Variants in CAMKK2 observed in about 807,000 individuals in gnomAD.
CAMKK2 encodes calcium/calmodulin-dependent protein kinase kinase 2.
In CAMKK2, 30 loss-of-function variants were observed where a neutral mutation model predicts 67.2. The ratio of observed to expected loss-of-function variants is 0.45; its 90% CI spans 0.33 to 0.61. CAMKK2 has a LOEUF of 0.61. CAMKK2 is among the 20% of genes least tolerant of loss of function. The pLI is 0.02. For synonymous variants in CAMKK2, 322 were observed against 326.2 expected (o/e 0.99, Z 0.14); for missense variants, 643 against 802.0 (o/e 0.80, Z 2.39).
chr12:121,249,658 C>A, intron 13 of CAMKK2, 129 bp downstream of exon 13: 1 of 804,040 alleles, frequency 1.2e-6, no homozygotes, highest in Non-Finnish European at 2.2e-6. Context: ...AGCTCAGAGG[C>A]CCTGGGGCAT....
chr12:121,256,510 T>C (rs1053932438), intron 7 of CAMKK2, among the ~76,000 whole-genome samples: 9 of 152,206 alleles, frequency 5.9e-5, no homozygotes, highest in Non-Finnish European at 1.3e-4. Context: ...AACATTCTCA[T>C]CACCTCAAAA....
chr12:121,252,209 A>AT (rs1361235942), intron 11 of CAMKK2, among the ~76,000 whole-genome samples: 5 of 152,254 alleles, frequency 3.3e-5, no homozygotes, highest in Non-Finnish European at 7.3e-5. Flanking sequence ...ATACACATGT[A>AT]TATTTAGGAA....
intron 1 of CAMKK2, among the ~76,000 whole-genome samples, chr12:121,283,848 G>A (rs1046176952): frequency 3.5e-4 from 53 of 151,774 alleles, no homozygotes; most frequent in African/African-American, 1.3e-3. Context: ...ATAACCATTT[G>A]AATGAGATGC....
chr12:121,259,501 C>T (rs1464083351), intron 7 of CAMKK2, among the ~76,000 whole-genome samples: 4 of 152,158 alleles, frequency 2.6e-5, no homozygotes, highest in Non-Finnish European at 4.4e-5. Flanking sequence ...GAGAGAATTA[C>T]GCTAAGAATG....
chr12:121,261,418 G>A (rs1653596), intron 6 of CAMKK2, among the ~76,000 whole-genome samples: 2,815 of 152,240 alleles, frequency 0.018, 87 homozygotes, highest in African/African-American at 0.064. Flanking sequence ...GTGATGGCCT[G>A]CAACTGCTAT....
intron 3 of CAMKK2, 32 bp downstream of exon 3, chr12:121,270,866 C>A: frequency 6.3e-7 from 1 of 1,592,356 alleles, no homozygotes; most frequent in African/African-American, 1.3e-5. Context: ...CTGGTGAATG[C>A]AGAAAGCCAG....
intron 7 of CAMKK2, among the ~76,000 whole-genome samples, chr12:121,258,475 G>A (rs1465132573): frequency 6.6e-6 from 1 of 152,148 alleles, no homozygotes; most frequent in Non-Finnish European, 1.5e-5. Context: ...GGGGTTACAG[G>A]CATGAGCCAC....
intron 7 of CAMKK2, among the ~76,000 whole-genome samples, chr12:121,259,651 T>C (rs927783145): frequency 2.6e-5 from 4 of 152,208 alleles, no homozygotes; most frequent in Non-Finnish European, 4.4e-5. Flanking sequence ...TTTCTTTAAA[T>C]TGACTCAGTT....
intron 7 of CAMKK2, among the ~76,000 whole-genome samples, chr12:121,259,973 T>A (rs1288112633): frequency 2.6e-5 from 4 of 152,288 alleles, no homozygotes; most frequent in African/African-American, 9.6e-5. Context: ...ATCCAGCTAC[T>A]CAGGAGGCTG....
chr12:121,245,724 C>A lies in CAMKK2; in HGVS notation c.1453-484G>T, dbSNP rs1889316995. 6.6e-6 allele frequency among the ~76,000 whole-genome samples: 1 copy of A among 152,246 alleles called. No homozygotes were observed. The highest frequency in any genetic ancestry group is 2.1e-4 in the South Asian group (1 of 4,830). ...ATAAGAGTCACTGGGCCCCTCACCC[C>A]ACCCCAACCAGGGCACGGTGCCCCT... On this transcript the variant is annotated intron_variant, in intron 14 of 16. Transcript: ENST00000404169. This position sits in a 1 kb window ranked among gnomAD's most constrained non-coding sequence, Gnocchi z 5.8.
intron 6 of CAMKK2, 23 bp downstream of exon 6, chr12:121,263,783 C>T (rs746303239): frequency 1.3e-6 from 2 of 1,587,764 alleles, no homozygotes; most frequent in Non-Finnish European, 1.7e-6. Context: ...CTCCCTCCCT[C>T]CTGGGCGCCT....
At chr12:121,249,937 T>G (rs200634618) in intron 12 of CAMKK2, 24 bp downstream of exon 12, 75 of 1,613,008 alleles carry the variant, frequency 4.6e-5, no homozygotes, top group Non-Finnish European at 6.2e-5. Flanking sequence ...ACAGGAGAGA[T>G]GCGGGACGGC....
intron 1 of CAMKK2, among the ~76,000 whole-genome samples, chr12:121,289,994 G>A (rs1375267513): frequency 3.3e-5 from 5 of 152,040 alleles, no homozygotes; most frequent in Non-Finnish European, 7.4e-5. Flanking sequence ...AGAGGACCTT[G>A]AGCCTTGATT....
Position 121,274,168 on chromosome 12 carries a change from C to G in CAMKK2, c.359G>C (p.Arg120Pro). ...AAGGSLDMNG[R>P]CICPSLPYSP... is the part of the protein sequence containing the mutation. ...GTAGGGCAGGGACGGGCAGATGCAG[C>G]GTCCGTTCATGTCCAGGCTGCCACC... The change falls in exon 2 of 17, where the codon CGC becomes CCC. Residue 120 changes from arginine (R) to proline (P), a missense_variant. Around this residue, in one of 3 missense-constraint regions of CAMKK2, gnomAD observed 483 missense variants for 625.8 expected, o/e 0.77. Coordinates refer to ENST00000404169, the MANE Select transcript of CAMKK2 (RefSeq NM_001270485.2). 2 of 1,597,668 alleles carry G rather than the reference C, an allele frequency of 1.3e-6. No homozygotes were observed. The highest frequency in any genetic ancestry group is 1.7e-6 in the Non-Finnish European group (2 of 1,170,436).
chr12:121,266,593 T>C, intron 5 of CAMKK2, among the ~76,000 whole-genome samples: 1 of 150,252 alleles, frequency 6.7e-6, no homozygotes, highest in Non-Finnish European at 1.5e-5. Flanking sequence ...GCTTCCCAGG[T>C]TCAAGCAATT....
At chr12:121,277,213 C>A (rs1169590703) in intron 1 of CAMKK2, among the ~76,000 whole-genome samples, 2 of 152,200 alleles carry the variant, frequency 1.3e-5, no homozygotes, top group Non-Finnish European at 2.9e-5. Context: ...GGGCCTGACT[C>A]ATGCACACAG....
chr12:121,247,851 C>T (rs1180461921), intron 14 of CAMKK2, among the ~76,000 whole-genome samples: 4 of 152,142 alleles, frequency 2.6e-5, no homozygotes, highest in African/African-American at 7.2e-5. Flanking sequence ...CCCAGGGGCC[C>T]GCCGGCCCAC....
At chr12:121,272,701 TAAAAAAA>T (rs11292057) in intron 2 of CAMKK2, among the ~76,000 whole-genome samples, 7 of 117,486 alleles carry the variant, frequency 6.0e-5, no homozygotes, top group South Asian at 2.8e-4. Flanking sequence ...CATCTCTACT[TAAAAAAA>T]AAAAAAAAAA....
chr12:121,255,238 A>ATATATATAATTT (rs1566058263), intron 9 of CAMKK2, among the ~76,000 whole-genome samples: 2 of 9,874 alleles, frequency 2.0e-4, no homozygotes, highest in Non-Finnish European at 4.7e-4. Context: ...ATATAATTTT[A>ATATATATAATTT]TATATATATA....
Sources: allele counts gnomAD v4.1 joint callset (sites outside exome capture counted in the v4.1 genomes callset), GRCh38; gene constraint gnomAD v4.1.1; regional missense constraint gnomAD v4.1.1; non-coding constraint Gnocchi (gnomAD v3.1); transcripts MANE v1.5; gene names NCBI Gene and HGNC (gene_info 2026-07-23, HGNC 2026-07-21).